The following CELSR1 variants were observed in gnomAD, a reference collection of about 807,000 sequenced individuals.
CELSR1 encodes cadherin EGF LAG seven-pass G-type receptor 1.
In CELSR1, 110 loss-of-function variants were observed where a neutral mutation model predicts 249.1. The ratio of observed to expected loss-of-function variants is 0.44; its 90% CI spans 0.38 to 0.52. The LOEUF (loss-of-function observed/expected upper bound fraction) is 0.52, where lower values mean the gene tolerates loss of function less well. Ranked by LOEUF, CELSR1 falls within the 20% of genes least tolerant of loss-of-function variation. CELSR1 has a pLI of 0.00. For synonymous variants in CELSR1, 2,113 were observed against 1,900.0 expected (o/e 1.11, Z -2.92); for missense variants, 4,109 against 4,296.4 (o/e 0.96, Z 1.22).
At chr22:46,475,899 T>C (rs1028405599) in intron 1 of CELSR1, among the ~76,000 whole-genome samples, 2 of 152,172 alleles carry the variant, frequency 1.3e-5, no homozygotes, top group African/African-American at 4.8e-5. Context: ...CAGCTCATCA[T>C]GTCTCTGCTT....
In CELSR1 at chr22:46,374,073, G is replaced by A. The variant is rs2078891132; in HGVS notation, c.7585-1016C>T. On this transcript the variant is annotated intron_variant, in intron 24 of 34. Transcript: ENST00000674500. This position sits in a 1 kb window ranked among gnomAD's most constrained non-coding sequence, Gnocchi z 4.3. ...TCGCATCTGTCAGATACGGAACAGA[G>A]CAGGAACCGAAGCAGGGAACGCAGG... is the stretch of plus-strand genomic sequence containing the variant. 6.6e-6 allele frequency among the ~76,000 whole-genome samples: 1 copy of A among 152,238 alleles called. No homozygotes were observed. The highest frequency in any genetic ancestry group is 2.1e-4 in the South Asian group (1 of 4,828).
intron 1 of CELSR1, among the ~76,000 whole-genome samples, chr22:46,469,724 G>A (rs559686891): frequency 9.9e-5 from 15 of 151,434 alleles, no homozygotes; most frequent in African/African-American, 1.2e-4. Flanking sequence ...ACGTAGGCCA[G>A]GCTGGTCTCG....
rs2080647464 is a variant in CELSR1 at position 46,518,120 on chromosome 22, G to A, written c.3544+15507C>T. On this transcript the variant is annotated intron_variant, in intron 1 of 34. Transcript: ENST00000674500. This position sits in a 1 kb window ranked among gnomAD's most constrained non-coding sequence, Gnocchi z 5.2. ...GGGTTTCTCCATGTTGGTCAGGCTG[G>A]TCTCGAACTCGTGACCTCAGGTGAT... Among the ~76,000 whole-genome samples, 1 of 152,144 alleles carries A rather than the reference G, an allele frequency of 6.6e-6. No individual in the cohort carries two copies. The highest frequency in any genetic ancestry group is 2.1e-4 in the South Asian group (1 of 4,828).
At chr22:46,404,182 C>T (rs900830564) in intron 9 of CELSR1, among the ~76,000 whole-genome samples, 2 of 151,734 alleles carry the variant, frequency 1.3e-5, no homozygotes, top group African/African-American at 2.4e-5. Context: ...GAGATCGAGG[C>T]GGGTGGGTCA....
chr22:46,432,854 T>C (rs1345282444), intron 5 of CELSR1, among the ~76,000 whole-genome samples: 2 of 152,046 alleles, frequency 1.3e-5, no homozygotes, highest in Admixed American at 1.3e-4. Context: ...GGTCCCTGTG[T>C]ACCCCCCGAC....
intron 19 of CELSR1, among the ~76,000 whole-genome samples, chr22:46,384,979 A>G (rs1228698751): frequency 6.6e-6 from 1 of 151,882 alleles, no homozygotes. Flanking sequence ...TTTGGTAGAG[A>G]TGGGATTTCA....
chr22:46,524,886 C>T (rs1403184304), intron 1 of CELSR1, among the ~76,000 whole-genome samples: 1 of 152,298 alleles, frequency 6.6e-6, no homozygotes, highest in South Asian at 2.1e-4. Context: ...CGCAGCTCCC[C>T]TTGTACCCCA....
chr22:46,366,209 G>C (rs1361775966), intron 30 of CELSR1, among the ~76,000 whole-genome samples, 177 bp downstream of exon 30: 1 of 3,400 alleles, frequency 2.9e-4, no homozygotes. Flanking sequence ...GAAGGTGCGA[G>C]GCGGGGAGGG....
Position 46,391,321 on chromosome 22 carries a change from G to A in CELSR1, c.6149-34C>T, listed in dbSNP as rs928165530. 1.9e-6 allele frequency: 3 copies of A among 1,584,018 alleles called. No individual in the cohort carries two copies. Among genetic ancestry groups the A allele is most frequent in the Non-Finnish European group, 2.6e-6 (3 of 1,154,962 alleles). On this transcript the variant is annotated intron_variant, in intron 15 of 34. Transcript: ENST00000674500. This position sits in a 1 kb window ranked among gnomAD's most constrained non-coding sequence, Gnocchi z 4.3. ...GAGAAGAGAGAAGTCTGCTCAGCGG[G>A]GCACGCCACACCCACGACCACAAAC... is the stretch of plus-strand genomic sequence containing the variant.
chr22:46,382,367 TCCCGGG>T (rs2078987899), intron 20 of CELSR1, among the ~76,000 whole-genome samples: 1 of 152,090 alleles, frequency 6.6e-6, no homozygotes, highest in Non-Finnish European at 1.5e-5. Context: ...AAGCTCCGCC[TCCCGGG>T]TTCACGCCAT....
intron 2 of CELSR1, among the ~76,000 whole-genome samples, chr22:46,451,474 G>A (rs968237095): frequency 2.6e-5 from 4 of 152,198 alleles, no homozygotes; most frequent in Non-Finnish European, 4.4e-5. Context: ...TGTTTCTTAC[G>A]GGAGTCACCT....
At chr22:46,419,563 G>A (rs879895428) in intron 5 of CELSR1, among the ~76,000 whole-genome samples, 1 of 152,182 alleles carries the variant, frequency 6.6e-6, no homozygotes, top group African/African-American at 2.4e-5. Context: ...GGGCCTCTGA[G>A]CTCAGCCCCC....
rs947155079 is a variant in CELSR1 at position 46,412,238 on chromosome 22, C to T, written c.4612-479G>A. ...CCTTCGGAGGAGGCACGGCCCTACC[C>T]GCGCCTTGACTTCTAGGCACCAGAC... is the stretch of plus-strand genomic sequence containing the variant. On this transcript the variant is annotated intron_variant, in intron 5 of 34. Transcript: ENST00000674500. The surrounding 1 kb of genome is among the most constrained non-coding windows in gnomAD (Gnocchi z 4.5). Among the ~76,000 whole-genome samples, 13 of 152,160 alleles carry T rather than the reference C, an allele frequency of 8.5e-5. No homozygotes were observed. The highest frequency in any genetic ancestry group is 1.3e-4 in the Admixed American group (2 of 15,290).
At chr22:46,449,546 T>G (rs2079858947) in intron 2 of CELSR1, among the ~76,000 whole-genome samples, 1 of 152,072 alleles carries the variant, frequency 6.6e-6, no homozygotes, top group South Asian at 2.1e-4. Flanking sequence ...CACCTGTCCC[T>G]CCACCCACTC....
chr22:46,409,250 G>A lies in CELSR1; in HGVS notation c.5060-88C>T, dbSNP rs969681286. ...GCAGGGGCGGGGGATGGGCCTGCAG[G>A]CTAGGCCTGGGCCTTTTTCACTTTA... On this transcript the variant is annotated intron_variant, in intron 8 of 34. Transcript: ENST00000674500. This position sits in a 1 kb window ranked among gnomAD's most constrained non-coding sequence, Gnocchi z 9.8. The A allele has an allele frequency of 1.0e-5, 14 of 1,401,808 alleles. No homozygotes were observed. In the African/African-American group the frequency reaches 1.6e-4, roughly 16 times the overall value. 86.8% of individuals were successfully genotyped at this position (1,401,808 alleles called of 1,614,324 possible).
rs1210586209 is a variant in CELSR1 at position 46,464,505 on chromosome 22, T to C, written c.3545-160A>G. Among the ~76,000 whole-genome samples, 2 of 149,982 alleles carry C rather than the reference T, an allele frequency of 1.3e-5. No individual in the cohort carries two copies. The highest frequency in any genetic ancestry group is 6.6e-5 in the Admixed American group (1 of 15,070). On this transcript the variant is annotated intron_variant, in intron 1 of 34. Transcript: ENST00000674500. The surrounding 1 kb of genome is among the most constrained non-coding windows in gnomAD (Gnocchi z 8.5). The stretch of plus-strand genomic sequence containing the variant: ...CACCCATGACCACCACCTTGACCCT[T>C]CCTCCTTCAGCACCCTGGCCCCTGC...
rs551309309 is a variant in CELSR1, at chr22:46,441,011, G to A, written c.4184-1600C>T. Among the ~76,000 whole-genome samples, 3 of 152,228 alleles carry A rather than the reference G, an allele frequency of 2.0e-5. No individual in the cohort carries two copies. The South Asian group carries it at 6.2e-4, about 32-fold the overall frequency. Reference sequence around the variant, plus strand: ...CTACTAAAAATACAAAAATTAGCCAGGCGTGGTGGCGGGTGCCTGTAATCC... The same window carrying A: ...CTACTAAAAATACAAAAATTAGCCAAGCGTGGTGGCGGGTGCCTGTAATCC... On this transcript the variant is annotated intron_variant, in intron 2 of 34. Transcript: ENST00000674500. The surrounding 1 kb of genome is among the most constrained non-coding windows in gnomAD (Gnocchi z 6.1).
intron 26 of CELSR1, 151 bp downstream of exon 26, chr22:46,369,541 G>A (rs145025584): frequency 3.5e-4 from 234 of 675,494 alleles, no homozygotes; most frequent in Non-Finnish European, 5.1e-4. Flanking sequence ...GTCCGGGAGG[G>A]CCCTGGCGGC....
Position 46,459,082 on chromosome 22 carries a change from G to C in CELSR1, c.4183+4625C>G, listed in dbSNP as rs149918556. Among the ~76,000 whole-genome samples, 850 of 152,234 alleles carry C rather than the reference G, an allele frequency of 5.6e-3. 6 individuals carry two copies. The highest frequency in any genetic ancestry group is 0.014 in the Middle Eastern group (4 of 294). ...TTTTTGTATTTTTAGTAGAGACAAGGTTTCACCGTGTTGGCCAGGATGGTC... is the reference window on the plus strand; with the variant it reads ...TTTTTGTATTTTTAGTAGAGACAAGCTTTCACCGTGTTGGCCAGGATGGTC... On this transcript the variant is annotated intron_variant, in intron 2 of 34. Coordinates refer to ENST00000674500, the MANE Select transcript of CELSR1 (RefSeq NM_001378328.1).
Sources: allele counts gnomAD v4.1 joint callset (sites outside exome capture counted in the v4.1 genomes callset), GRCh38; gene constraint gnomAD v4.1.1; non-coding constraint Gnocchi (gnomAD v3.1); transcripts MANE v1.5; gene names NCBI Gene and HGNC (gene_info 2026-07-23, HGNC 2026-07-21).